RFX3: variants seen among roughly 807,000 people sequenced by gnomAD.
The protein encoded by RFX3 is regulatory factor X3, also known as transcription factor RFX3.
In RFX3, 14 loss-of-function variants were observed where a neutral mutation model predicts 98.6. The ratio of observed to expected loss-of-function variants is 0.14; its 90% CI spans 0.09 to 0.22. The LOEUF (loss-of-function observed/expected upper bound fraction) is 0.22. Ranked by LOEUF, RFX3 falls within the 10% of genes least tolerant of loss-of-function variation. The pLI is 1.00. For missense variants in RFX3, 639 were observed against 926.9 expected (o/e 0.69, Z 4.03); for synonymous variants, 383 against 328.4 (o/e 1.17, Z -1.80).
At chr9:3,330,117 T>G in intron 4 of RFX3, 142 bp downstream of exon 4, 1 of 804,404 alleles carries the variant, frequency 1.2e-6, no homozygotes. Flanking sequence ...ATATACTACA[T>G]TCTGCAAACT....
intron 4 of RFX3, among the ~76,000 whole-genome samples, chr9:3,322,368 T>C (rs1325330518): frequency 6.6e-6 from 1 of 152,218 alleles, no homozygotes; most frequent in Non-Finnish European, 1.5e-5. Context: ...TTTTTTGTTT[T>C]TATTATAAAT....
intron 1 of RFX3, among the ~76,000 whole-genome samples, chr9:3,404,271 C>A (rs558286274): frequency 3.9e-5 from 6 of 152,142 alleles, no homozygotes; most frequent in Non-Finnish European, 5.9e-5. Flanking sequence ...TAAATTTTTA[C>A]ATTGATTTTC....
intron 4 of RFX3, among the ~76,000 whole-genome samples, chr9:3,320,640 A>C (rs563200769): frequency 7.2e-6 from 1 of 138,796 alleles, no homozygotes; most frequent in Non-Finnish European, 1.5e-5. Context: ...ACACACACAC[A>C]CTACTCTGCT....
intron 1 of RFX3, among the ~76,000 whole-genome samples, chr9:3,428,677 A>T (rs1164101814): frequency 6.6e-6 from 1 of 152,196 alleles, no homozygotes; most frequent in African/African-American, 2.4e-5. Flanking sequence ...CCACACAACC[A>T]ACAGAATATA....
chr9:3,308,767 T>C (rs1182660121), intron 4 of RFX3, among the ~76,000 whole-genome samples: 6 of 152,056 alleles, frequency 3.9e-5, no homozygotes, highest in Non-Finnish European at 7.4e-5. Context: ...CCCCATGCCA[T>C]GACTGTTGCT....
intron 1 of RFX3, chr9:3,400,178 C>T (rs558847307): frequency 3.2e-5 from 29 of 917,978 alleles, no homozygotes; most frequent in African/African-American, 2.3e-4. Context: ...CATCACTTAC[C>T]GAAGGCCATA....
intron 13 of RFX3, among the ~76,000 whole-genome samples, chr9:3,261,253 T>TA (rs755440045): frequency 2.0e-5 from 3 of 152,094 alleles, no homozygotes; most frequent in Non-Finnish European, 4.4e-5. Context: ...TAGACCTTTT[T>TA]AATTTTCCTA....
chr9:3,225,913 T>G (rs1817709629), intron 16 of RFX3, among the ~76,000 whole-genome samples: 1 of 152,204 alleles, frequency 6.6e-6, no homozygotes, highest in African/African-American at 2.4e-5. Context: ...TTTCCATTCT[T>G]GGCAACTGAT....
At chr9:3,310,429 G>C (rs984372217) in intron 4 of RFX3, among the ~76,000 whole-genome samples, 4 of 152,136 alleles carry the variant, frequency 2.6e-5, no homozygotes, top group African/African-American at 7.2e-5. Flanking sequence ...ATGTTCTCTC[G>C]ACTCTGAAAT....
At chr9:3,491,896 T>C (rs1330373706) in intron 1 of RFX3, among the ~76,000 whole-genome samples, 1 of 152,214 alleles carries the variant, frequency 6.6e-6, no homozygotes, top group Non-Finnish European at 1.5e-5. Flanking sequence ...AAATATATAA[T>C]ACAGTCTCCC....
intron 15 of RFX3, among the ~76,000 whole-genome samples, chr9:3,229,520 GC>G (rs1430882527): frequency 6.6e-6 from 1 of 152,138 alleles, no homozygotes; most frequent in East Asian, 1.9e-4. Flanking sequence ...ACAATTAATA[GC>G]CTTCGGCTTA....
chr9:3,218,440 G>C lies in RFX3; in HGVS notation c.*6602C>G, dbSNP rs1817185234. On this transcript the variant is annotated 3_prime_UTR_variant, in exon 17 of 17. Transcript: ENST00000617270. Reference sequence around the variant, plus strand: ...TATCTTTAGTATGTTCCAGTCATTTGTTTAAACAACACACTAAAAGTTAAT... The same window carrying C: ...TATCTTTAGTATGTTCCAGTCATTTCTTTAAACAACACACTAAAAGTTAAT... 3 of 152,022 alleles carry C rather than the reference G, an allele frequency of 2.0e-5. No individual in the cohort carries two copies. In the South Asian group the frequency reaches 6.2e-4, roughly 32 times the overall value. 9.4% of individuals were successfully genotyped at this position (152,022 alleles called of 1,614,324 possible).
At chr9:3,321,446 A>G (rs1223275791) in intron 4 of RFX3, among the ~76,000 whole-genome samples, 1 of 151,568 alleles carries the variant, frequency 6.6e-6, no homozygotes, top group Non-Finnish European at 1.5e-5. Context: ...AGGCTTACCA[A>G]CCTCTTCCGC....
chr9:3,335,642 T>C (rs904835207), intron 3 of RFX3, among the ~76,000 whole-genome samples: 2 of 152,216 alleles, frequency 1.3e-5, no homozygotes, highest in African/African-American at 4.8e-5. Flanking sequence ...TTGATTACCA[T>C]AGACTAAGTC....
intron 4 of RFX3, among the ~76,000 whole-genome samples, chr9:3,315,046 T>G (rs1340825099): frequency 6.6e-6 from 1 of 152,008 alleles, no homozygotes; most frequent in Non-Finnish European, 1.5e-5. Flanking sequence ...TACAGAACTC[T>G]CCACCCCAAA....
intron 1 of RFX3, among the ~76,000 whole-genome samples, chr9:3,423,469 T>C (rs7040113): frequency 0.2 from 30,153 of 152,098 alleles, 4,157 homozygotes; most frequent in African/African-American, 0.39. Context: ...TCATATGCTA[T>C]TCATACACAT....
chr9:3,510,956 T>G (rs1817613512), intron 1 of RFX3, among the ~76,000 whole-genome samples: 3 of 151,988 alleles, frequency 2.0e-5, no homozygotes, highest in Non-Finnish European at 4.4e-5. Context: ...AGTTTAGTTC[T>G]AAAATAAGAT....
At chr9:3,386,036 C>G (rs1305072162) in intron 2 of RFX3, among the ~76,000 whole-genome samples, 2 of 152,180 alleles carry the variant, frequency 1.3e-5, no homozygotes, top group Non-Finnish European at 2.9e-5. Context: ...ACCACCTCTG[C>G]AGATCAGAGG....
At chr9:3,337,936 G>A (rs1833381254) in intron 3 of RFX3, among the ~76,000 whole-genome samples, 1 of 152,140 alleles carries the variant, frequency 6.6e-6, no homozygotes. Flanking sequence ...TCAACAAAGT[G>A]CATATATATA....
Sources: gnomAD v4.1 joint callset for allele counts (sites outside exome capture counted in the v4.1 genomes callset) on GRCh38, gnomAD v4.1.1 for gene constraint, MANE v1.5 for transcripts, NCBI Gene and HGNC (gene_info 2026-07-23, HGNC 2026-07-21) for gene names.